Variants in FRMD4B observed in about 807,000 individuals in gnomAD.
The protein encoded by FRMD4B is FERM domain containing 4B.
Under a neutral mutation model 141.5 loss-of-function variants are expected in FRMD4B, and 74 were observed. That is an observed-to-expected ratio of 0.52 (90% CI 0.43 to 0.63). The LOEUF is 0.63. Among genes scored for constraint, FRMD4B ranks in the 30% least tolerant of loss-of-function variants. FRMD4B has a pLI of 0.00. For missense variants in FRMD4B, 1,366 were observed against 1,253.4 expected (o/e 1.09, Z -1.36); for synonymous variants, 506 against 467.9 (o/e 1.08, Z -1.05).
intron 1 of FRMD4B, among the ~76,000 whole-genome samples, chr3:69,503,070 C>T (rs1706528043): frequency 6.6e-6 from 1 of 152,210 alleles, no homozygotes; most frequent in African/African-American, 2.4e-5. Flanking sequence ...AATAGGAACA[C>T]TTTGACACTG....
At chr3:69,386,599 C>T (rs866006214), upstream of FRMD4B, among the ~76,000 whole-genome samples, 11 of 152,096 alleles carry the variant, frequency 7.2e-5, no homozygotes, top group Middle Eastern at 3.2e-3. Flanking sequence ...CAAGGCATCC[C>T]TTTGGACCCT....
chr3:69,412,366 A>G (rs925558658), intron 2 of FRMD4B, among the ~76,000 whole-genome samples: 2 of 152,218 alleles, frequency 1.3e-5, no homozygotes, highest in African/African-American at 4.8e-5. Flanking sequence ...GAGTCAGACT[A>G]TGTGGTGGAC....
intron 1 of FRMD4B, among the ~76,000 whole-genome samples, chr3:69,364,893 T>A (rs1400641181): frequency 3.3e-5 from 5 of 151,826 alleles, no homozygotes; most frequent in African/African-American, 1.2e-4. Context: ...AATAAAGGCC[T>A]TGGTGATTCC....
At chr3:69,352,133 A>T (rs1014495362) in intron 1 of FRMD4B, among the ~76,000 whole-genome samples, 1 of 152,194 alleles carries the variant, frequency 6.6e-6, no homozygotes. Flanking sequence ...TAAGAGCTGT[A>T]GTTTCTGACC....
At chr3:69,370,772 C>G (rs900870223) in intron 1 of FRMD4B, among the ~76,000 whole-genome samples, 3 of 152,226 alleles carry the variant, frequency 2.0e-5, no homozygotes, top group African/African-American at 2.4e-5. Context: ...TACCCTTGCC[C>G]GGGTCCCCAT....
intron 1 of FRMD4B, among the ~76,000 whole-genome samples, chr3:69,339,019 C>A (rs545823876): frequency 6.6e-6 from 1 of 152,074 alleles, no homozygotes; most frequent in African/African-American, 2.4e-5. Context: ...CTTTACGCAT[C>A]CCCCGCCATT....
rs771177649 is a variant in FRMD4B at position 69,181,417 on chromosome 3, C to T, written c.2333G>A (p.Ser778Asn). The T allele has an allele frequency of 1.2e-6, 2 of 1,613,992 alleles. No individual in the cohort carries two copies. The highest frequency in any genetic ancestry group is 1.7e-6 in the Non-Finnish European group (2 of 1,179,884). Residue 778 changes from serine to asparagine, a missense_variant, in exon 21 of 23, where the codon AGC becomes AAC. Transcript: ENST00000398540. ...KQNVSTSNSG[S>N]MPNLAQKDSL... ...ATCCTTTTGTGCTAGGTTGGGCATG[C>T]TTCCTGAATTTGAAGTAGAAACATT...
At chr3:69,325,125 G>GAAAGAAAGAAAT (rs758351887) in intron 1 of FRMD4B, among the ~76,000 whole-genome samples, 1 of 150,012 alleles carries the variant, frequency 6.7e-6, no homozygotes, top group African/African-American at 2.5e-5. Context: ...AAGAAAGAAA[G>GAAAGAAAGAAAT]AAAAGAAATT....
intron 1 of FRMD4B, among the ~76,000 whole-genome samples, chr3:69,465,722 C>T (rs1210787116): frequency 2.0e-5 from 3 of 152,122 alleles, no homozygotes; most frequent in East Asian, 3.9e-4. Context: ...GACATGAACT[C>T]ATCCTTTTTT....
chr3:69,449,823 A>C (rs570174089), intron 1 of FRMD4B, among the ~76,000 whole-genome samples: 2 of 152,338 alleles, frequency 1.3e-5, no homozygotes, highest in African/African-American at 4.8e-5. Context: ...TGTTAGACCA[A>C]TTTTTAACAA....
intron 1 of FRMD4B, among the ~76,000 whole-genome samples, chr3:69,496,100 T>A (rs927667831): frequency 4.6e-5 from 7 of 152,206 alleles, no homozygotes; most frequent in African/African-American, 1.2e-4. Flanking sequence ...TTCCGTATCA[T>A]CTAATTAACC....
At position 69,238,673 on chromosome 3, in the gene FRMD4B, C is replaced by T. The variant is rs189454553; in HGVS notation, c.581+10553G>A. On this transcript the variant is annotated intron_variant, in intron 7 of 22. Coordinates refer to ENST00000398540, the MANE Select transcript of FRMD4B (RefSeq NM_015123.3). ...GGGTACACACCTGTAGTCCCAGCTA[C>T]TCGGGAGGCTGAGATGGGAAGGTCA... Among the ~76,000 whole-genome samples the T allele has an allele frequency of 4.8e-3, 729 of 152,240 alleles. 4 individuals are homozygous for T. The highest frequency in any genetic ancestry group is 8.4e-3 in the Non-Finnish European group (574 of 68,014).
At chr3:69,523,454 G>A (rs562434203) in intron 1 of FRMD4B, among the ~76,000 whole-genome samples, 1 of 152,234 alleles carries the variant, frequency 6.6e-6, no homozygotes, top group Admixed American at 6.5e-5. Flanking sequence ...CAGTGGAAGC[G>A]AGACCCTCCC....
At chr3:69,218,182 A>G in intron 10 of FRMD4B, 140 bp downstream of exon 10, 1 of 591,284 alleles carries the variant, frequency 1.7e-6, no homozygotes, top group South Asian at 2.0e-5. Context: ...TAACGTAGCA[A>G]GTATTTTGCA....
intron 1 of FRMD4B, among the ~76,000 whole-genome samples, chr3:69,528,626 A>C (rs945536496): frequency 6.6e-6 from 1 of 152,092 alleles, no homozygotes; most frequent in Non-Finnish European, 1.5e-5. Context: ...TTGGCTTCCC[A>C]AAGTGCTGGG....
At chr3:69,461,623 C>CAAAA (rs58143332) in intron 1 of FRMD4B, among the ~76,000 whole-genome samples, 11,995 of 43,318 alleles carry the variant, frequency 0.28, 3,426 homozygotes, top group East Asian at 0.42. Flanking sequence ...GACTCTGTCT[C>CAAAA]AAAAAAAAAA....
chr3:69,482,954 G>T (rs1498861), intron 1 of FRMD4B, among the ~76,000 whole-genome samples: 75,104 of 152,036 alleles, frequency 0.49, 19,413 homozygotes, highest in African/African-American at 0.64. Context: ...CACTCGGCTA[G>T]GCAGGAGGAC....
chr3:69,442,596 T>A (rs998106250), intron 1 of FRMD4B, among the ~76,000 whole-genome samples: 1 of 152,074 alleles, frequency 6.6e-6, no homozygotes, highest in African/African-American at 2.4e-5. Flanking sequence ...TATTAAATAC[T>A]AGGTTAAGGC....
intron 11 of FRMD4B, among the ~76,000 whole-genome samples, chr3:69,209,280 T>C (rs1449195765): frequency 6.6e-6 from 1 of 152,192 alleles, no homozygotes; most frequent in Non-Finnish European, 1.5e-5. Flanking sequence ...GGCCTCCCTC[T>C]TTCCATCTTC....
Sources: gnomAD v4.1 joint callset for allele counts (sites outside exome capture counted in the v4.1 genomes callset) on GRCh38, gnomAD v4.1.1 for gene constraint, MANE v1.5 for transcripts, NCBI Gene and HGNC (gene_info 2026-07-23, HGNC 2026-07-21) for gene names.